Variants in FAM227B observed in about 807,000 individuals in gnomAD.
FAM227B encodes the protein protein FAM227B.
In FAM227B, 88 loss-of-function variants were observed where a neutral mutation model predicts 73.8. That is an observed-to-expected ratio of 1.19 (90% CI 1.00 to 1.42). FAM227B has a LOEUF of 1.42. Ranked by LOEUF, FAM227B falls within the 40% of genes most tolerant of loss-of-function variation. The pLI is 0.00. For synonymous variants in FAM227B, 210 were observed against 190.5 expected (o/e 1.10, Z -0.84); for missense variants, 632 against 590.9 (o/e 1.07, Z -0.72).
intron 9 of FAM227B, among the ~76,000 whole-genome samples, chr15:49,559,600 C>T (rs2074067665): frequency 6.6e-6 from 1 of 151,994 alleles, no homozygotes; most frequent in Admixed American, 6.5e-5. Flanking sequence ...TGCCAAAAGA[C>T]CCACCCACTC....
At chr15:49,496,966 G>C (rs1333774446) in intron 11 of FAM227B, among the ~76,000 whole-genome samples, 2 of 150,900 alleles carry the variant, frequency 1.3e-5, no homozygotes, top group African/African-American at 4.9e-5. Context: ...CACAGCTATA[G>C]AGAAAGAGGA....
At chr15:49,416,790 CACACACACAA>C (rs1439172413) in intron 11 of FAM227B, among the ~76,000 whole-genome samples, 1 of 151,784 alleles carries the variant, frequency 6.6e-6, no homozygotes, top group Non-Finnish European at 1.5e-5. Flanking sequence ...CACACACACA[CACACACACAA>C]ACACACAAAT....
intron 1 of FAM227B, among the ~76,000 whole-genome samples, chr15:49,618,643 A>C (rs1439362992): frequency 5.9e-5 from 9 of 152,216 alleles, no homozygotes; most frequent in Non-Finnish European, 2.9e-5. Flanking sequence ...TGTATGAGGT[A>C]GAGAGGGAAT....
chr15:49,594,418 C>G (rs1468853920), intron 3 of FAM227B, among the ~76,000 whole-genome samples: 1 of 152,052 alleles, frequency 6.6e-6, no homozygotes, highest in Non-Finnish European at 1.5e-5. Flanking sequence ...GTGCAGAAGA[C>G]TTTTAGTTTA....
At chr15:49,605,010 GTCT>G (rs906950250) in intron 3 of FAM227B, among the ~76,000 whole-genome samples, 2 of 151,920 alleles carry the variant, frequency 1.3e-5, no homozygotes, top group South Asian at 2.1e-4. Context: ...ATATTTTTAA[GTCT>G]TCATCAGGCA....
intron 11 of FAM227B, among the ~76,000 whole-genome samples, chr15:49,372,800 T>C (rs182473856): frequency 1.3e-5 from 2 of 152,268 alleles, no homozygotes; most frequent in East Asian, 3.9e-4. Flanking sequence ...CTAGTGATTG[T>C]AATGTTGATG....
chr15:49,511,920 T>C (rs1026499712), intron 10 of FAM227B, among the ~76,000 whole-genome samples: 1 of 152,216 alleles, frequency 6.6e-6, no homozygotes, highest in Non-Finnish European at 1.5e-5. Context: ...AACACACATG[T>C]ACATGTCTTT....
chr15:49,504,596 G>T (rs2058431882), intron 11 of FAM227B, among the ~76,000 whole-genome samples: 1 of 151,692 alleles, frequency 6.6e-6, no homozygotes, highest in Non-Finnish European at 1.5e-5. Flanking sequence ...TCATGTGCAT[G>T]TTAAAGTTTA....
chr15:49,442,633 C>CATAG (rs1378771767), intron 11 of FAM227B, among the ~76,000 whole-genome samples: 25 of 151,620 alleles, frequency 1.6e-4, no homozygotes, highest in African/African-American at 5.6e-4. Context: ...AGTAGTTACT[C>CATAG]ACTAATTACA....
At chr15:49,496,771 C>G (rs180735517) in intron 11 of FAM227B, among the ~76,000 whole-genome samples, 2 of 152,226 alleles carry the variant, frequency 1.3e-5, no homozygotes, top group Non-Finnish European at 2.9e-5. Flanking sequence ...AAGAAGCAAT[C>G]CTAAGACAGC....
rs144166303 is a variant in FAM227B at position 49,402,939 on chromosome 15, G to A, written c.1013-31540C>T. 7.4e-3 allele frequency among the ~76,000 whole-genome samples: 1,122 copies of A among 151,726 alleles called. 18 individuals are homozygous for A. The highest frequency in any genetic ancestry group is 0.025 in the African/African-American group (1,052 of 41,456). Reference sequence around the variant, plus strand: ...GTCTGTCATATATGGCTCTTATTTCGAGGTATGTTCCTTCAATACCTAGTT... The same window carrying A: ...GTCTGTCATATATGGCTCTTATTTCAAGGTATGTTCCTTCAATACCTAGTT... On this transcript the variant is annotated intron_variant, in intron 11 of 15. Transcript: ENST00000299338.
chr15:49,469,958 AAG>A (rs1455242899), intron 11 of FAM227B, among the ~76,000 whole-genome samples: 1 of 152,176 alleles, frequency 6.6e-6, no homozygotes. Flanking sequence ...CAGTACAATT[AAG>A]AGTTTAATGA....
intron 11 of FAM227B, among the ~76,000 whole-genome samples, chr15:49,503,178 G>A (rs977347468): frequency 6.6e-6 from 1 of 152,144 alleles, no homozygotes; most frequent in African/African-American, 2.4e-5. Context: ...ATGGGGGAAG[G>A]ATTCCCTGTT....
chr15:49,385,688 C>A (rs567648116), intron 11 of FAM227B, among the ~76,000 whole-genome samples: 1 of 150,684 alleles, frequency 6.6e-6, no homozygotes, highest in African/African-American at 2.4e-5. Context: ...CCTAAATACT[C>A]CACTTAAAAG....
At chr15:49,574,572 C>T (rs770552399) in intron 8 of FAM227B, among the ~76,000 whole-genome samples, 4 of 152,080 alleles carry the variant, frequency 2.6e-5, no homozygotes, top group Non-Finnish European at 5.9e-5. Flanking sequence ...CCACACCATG[C>T]GGAAATACGA....
intron 10 of FAM227B, among the ~76,000 whole-genome samples, chr15:49,537,460 C>A (rs1416058066): frequency 6.6e-6 from 1 of 152,062 alleles, no homozygotes; most frequent in Non-Finnish European, 1.5e-5. Context: ...TTGTACACTA[C>A]TGGTAAGAAT....
chr15:49,472,992 A>T (rs1274078432), intron 11 of FAM227B, among the ~76,000 whole-genome samples: 3 of 152,224 alleles, frequency 2.0e-5, no homozygotes, highest in Non-Finnish European at 2.9e-5. Context: ...AAGTGGCTGA[A>T]TTAAAACTCA....
chr15:49,563,928 G>A (rs1043434239), intron 9 of FAM227B, among the ~76,000 whole-genome samples: 1 of 152,128 alleles, frequency 6.6e-6, no homozygotes, highest in Non-Finnish European at 1.5e-5. Context: ...ATTGGCCTTG[G>A]CAGAGAATTT....
intron 11 of FAM227B, among the ~76,000 whole-genome samples, chr15:49,479,615 T>G (rs1276860898): frequency 2.2e-5 from 3 of 137,290 alleles, no homozygotes; most frequent in Admixed American, 7.3e-5. Context: ...TTTTTTTTTT[T>G]TTTTTTTTTT....
Sources: gnomAD v4.1 joint callset for allele counts (sites outside exome capture counted in the v4.1 genomes callset) on GRCh38, gnomAD v4.1.1 for gene constraint, MANE v1.5 for transcripts, NCBI Gene and HGNC (gene_info 2026-07-23, HGNC 2026-07-21) for gene names.